Variants in COMMD10 observed in about 807,000 individuals in gnomAD.
COMMD10 encodes COMM domain-containing protein 10.
A neutral mutation model predicts 28.9 loss-of-function variants in COMMD10; 33 were observed. The observed-to-expected ratio is 1.14, with a 90% CI of 0.87 to 1.53. COMMD10 has a LOEUF of 1.53. COMMD10 is among the 40% of genes most tolerant of loss of function. The pLI, the probability that COMMD10 is intolerant of heterozygous loss-of-function variation, is 0.00. For synonymous variants in COMMD10, 110 were observed against 81.7 expected (o/e 1.35, Z -1.87); for missense variants, 310 against 233.4 (o/e 1.33, Z -2.14).
At chr5:116,255,039 T>G (rs529494100) in intron 5 of COMMD10, among the ~76,000 whole-genome samples, 2 of 151,720 alleles carry the variant, frequency 1.3e-5, no homozygotes, top group East Asian at 3.9e-4. Flanking sequence ...ATTGATCCCT[T>G]TAGCAGGATG....
intron 5 of COMMD10, among the ~76,000 whole-genome samples, chr5:116,275,114 CCAAGGCAG>C (rs1750868587): frequency 6.6e-6 from 1 of 151,762 alleles, no homozygotes; most frequent in Non-Finnish European, 1.5e-5. Context: ...TTTCACTTGC[CCAAGGCAG>C]ATACTTGTGC....
intron 4 of COMMD10, among the ~76,000 whole-genome samples, chr5:116,118,699 A>C (rs776444857): frequency 6.6e-6 from 1 of 152,160 alleles, no homozygotes; most frequent in Non-Finnish European, 1.5e-5. Context: ...TTCTCTTTAA[A>C]AGTGAAAATA....
chr5:116,258,991 G>A (rs1043505489), intron 5 of COMMD10, among the ~76,000 whole-genome samples: 4 of 149,794 alleles, frequency 2.7e-5, no homozygotes, highest in African/African-American at 9.9e-5. Flanking sequence ...TCCTCATTTT[G>A]CAGGGGATTC....
At chr5:116,235,454 G>GTTACAATCCTGGGTTAGATTTC (rs1749635716) in intron 5 of COMMD10, among the ~76,000 whole-genome samples, 2 of 151,928 alleles carry the variant, frequency 1.3e-5, no homozygotes, top group Non-Finnish European at 2.9e-5. Context: ...GGTTAGATTT[G>GTTACAATCCTGGGTTAGATTTC]CTGTTACTTA....
chr5:116,150,729 G>A (rs1752496992), intron 5 of COMMD10, among the ~76,000 whole-genome samples: 1 of 136,638 alleles, frequency 7.3e-6, no homozygotes, highest in Non-Finnish European at 1.6e-5. Context: ...CTTTGCTGAA[G>A]TTGCTTATCA....
intron 5 of COMMD10, among the ~76,000 whole-genome samples, chr5:116,193,042 A>G (rs1320611456): frequency 6.6e-6 from 1 of 152,200 alleles, no homozygotes; most frequent in Non-Finnish European, 1.5e-5. Flanking sequence ...TCAGCCAAGA[A>G]TTTTGTATCC....
At chr5:116,091,006 G>C (rs1750277226) in intron 2 of COMMD10, 73 bp from the exon 3 acceptor site, 1 of 834,862 alleles carries the variant, frequency 1.2e-6, no homozygotes, top group African/African-American at 1.7e-5. Flanking sequence ...ACGAATAAAT[G>C]AATCTTCTGT....
At chr5:116,197,591 C>T (rs940057263) in intron 5 of COMMD10, among the ~76,000 whole-genome samples, 1 of 151,944 alleles carries the variant, frequency 6.6e-6, no homozygotes, top group African/African-American at 2.4e-5. Flanking sequence ...CACTATGTTG[C>T]CCAGGCTGGT....
At chr5:116,162,179 A>G (rs988045060) in intron 5 of COMMD10, among the ~76,000 whole-genome samples, 5 of 152,226 alleles carry the variant, frequency 3.3e-5, no homozygotes, top group Non-Finnish European at 7.3e-5. Context: ...ATAGATAAGT[A>G]CAATAATTTA....
chr5:116,251,114 C>G (rs1750101801), intron 5 of COMMD10, among the ~76,000 whole-genome samples: 1 of 151,872 alleles, frequency 6.6e-6, no homozygotes, highest in Admixed American at 6.6e-5. Flanking sequence ...TAGGTGCAAC[C>G]TGTTTTTATT....
At chr5:116,094,484 G>T (rs769914059) in intron 4 of COMMD10, among the ~76,000 whole-genome samples, 1 of 152,150 alleles carries the variant, frequency 6.6e-6, no homozygotes, top group Non-Finnish European at 1.5e-5. Flanking sequence ...TCTTACCCCA[G>T]TTAGAATGGC....
chr5:116,166,475 T>C (rs10077113), intron 5 of COMMD10, among the ~76,000 whole-genome samples: 47,484 of 152,048 alleles, frequency 0.31, 10,401 homozygotes, highest in African/African-American at 0.63. Flanking sequence ...TGCTGTGCGT[T>C]TAGCCCTCAA....
chr5:116,237,209 A>T (rs1348741939), intron 5 of COMMD10, among the ~76,000 whole-genome samples: 1 of 152,130 alleles, frequency 6.6e-6, no homozygotes, highest in African/African-American at 2.4e-5. Flanking sequence ...GCTCAAGTGA[A>T]TTGAGTGAGG....
At chr5:116,288,454 G>A (rs1363651003) in intron 5 of COMMD10, among the ~76,000 whole-genome samples, 1 of 151,756 alleles carries the variant, frequency 6.6e-6, no homozygotes, top group African/African-American at 2.4e-5. Context: ...GGAGTTCTTT[G>A]AATTTCTTGA....
At chr5:116,223,021 A>G (rs965496713) in intron 5 of COMMD10, among the ~76,000 whole-genome samples, 2 of 152,140 alleles carry the variant, frequency 1.3e-5, no homozygotes, top group Non-Finnish European at 2.9e-5. Context: ...ATTTTAGTTG[A>G]TATCTTCAGA....
At chr5:116,212,999 G>T (rs376996874) in intron 5 of COMMD10, among the ~76,000 whole-genome samples, 31 of 152,154 alleles carry the variant, frequency 2.0e-4, no homozygotes, top group African/African-American at 7.2e-4. Flanking sequence ...ATTACACAAT[G>T]ATAGGAAGTT....
chr5:116,198,406 G>A (rs1322763804), intron 5 of COMMD10, among the ~76,000 whole-genome samples: 1 of 152,136 alleles, frequency 6.6e-6, no homozygotes, highest in Non-Finnish European at 1.5e-5. Flanking sequence ...CAGTAAAACT[G>A]ATAGGAAGGT....
intron 5 of COMMD10, among the ~76,000 whole-genome samples, chr5:116,194,293 C>A (rs1580538650): frequency 6.6e-6 from 1 of 151,862 alleles, no homozygotes; most frequent in African/African-American, 2.4e-5. Context: ...AAACCCAAAC[C>A]CAGCAAAAGA....
chr5:116,121,135 C>T (rs914916173), intron 4 of COMMD10, among the ~76,000 whole-genome samples: 1 of 151,900 alleles, frequency 6.6e-6, no homozygotes, highest in Non-Finnish European at 1.5e-5. Flanking sequence ...TTCCCCCTGC[C>T]CCCCACCACA....
Sources: gnomAD v4.1 joint callset for allele counts (sites outside exome capture counted in the v4.1 genomes callset) on GRCh38, gnomAD v4.1.1 for gene constraint, MANE v1.5 for transcripts, NCBI Gene and HGNC (gene_info 2026-07-23, HGNC 2026-07-21) for gene names.